TBC1D5: variants seen among roughly 807,000 people sequenced by gnomAD.
TBC1D5 encodes TBC1 domain family member 5.
Under a neutral mutation model 100.3 loss-of-function variants are expected in TBC1D5, and 75 were observed. That is an observed-to-expected ratio of 0.75 (90% CI 0.62 to 0.91). TBC1D5 has a LOEUF of 0.91. Among genes scored for constraint, TBC1D5 ranks in the 40% least tolerant of loss-of-function variants. The probability of loss-of-function intolerance (pLI) is 0.00; values close to 1 mark genes in which losing one functional copy is unlikely to be tolerated. For synonymous variants in TBC1D5, 323 were observed against 325.6 expected (o/e 0.99, Z 0.09); for missense variants, 910 against 942.4 (o/e 0.97, Z 0.45).
intron 2 of TBC1D5, among the ~76,000 whole-genome samples, chr3:17,604,134 G>C (rs1182727471): frequency 1.3e-5 from 2 of 151,482 alleles, no homozygotes; most frequent in Admixed American, 1.3e-4. Flanking sequence ...GTTTTGTTTT[G>C]TTTTTTGTAG....
chr3:17,232,099 A>T lies in TBC1D5; in HGVS notation c.1588+6064T>A, dbSNP rs2075470969. 2.0e-5 allele frequency among the ~76,000 whole-genome samples: 3 copies of T among 152,196 alleles called. No individual in the cohort carries two copies. The South Asian group carries it at 6.2e-4, about 32-fold the overall frequency. On this transcript the variant is annotated intron_variant, in intron 17 of 21. Coordinates refer to ENST00000253692, the Ensembl canonical transcript of TBC1D5. The stretch of plus-strand genomic sequence containing the variant: ...CAAATGAGATAATTCTACTTATATA[A>T]CACGAGGTATTTGAACAAAACAATA...
chr3:17,165,321 GAC>G (rs772063469), intron 21 of TBC1D5, among the ~76,000 whole-genome samples: 2 of 152,154 alleles, frequency 1.3e-5, no homozygotes, highest in Non-Finnish European at 2.9e-5. Context: ...GTAGTAAACT[GAC>G]ACACTCAACT....
chr3:17,694,247 T>A (rs2071639821), intron 1 of TBC1D5, among the ~76,000 whole-genome samples: 1 of 152,186 alleles, frequency 6.6e-6, no homozygotes, highest in Admixed American at 6.5e-5. Context: ...AGAACGACTT[T>A]GACAAGTTGA....
chr3:17,419,364 T>C (rs1455835216), intron 4 of TBC1D5, among the ~76,000 whole-genome samples: 1 of 152,168 alleles, frequency 6.6e-6, no homozygotes, highest in Non-Finnish European at 1.5e-5. Context: ...AAGCTTCCCC[T>C]TCCCTCAACC....
chr3:17,437,926 A>G (rs891278835), intron 3 of TBC1D5, among the ~76,000 whole-genome samples: 1 of 152,190 alleles, frequency 6.6e-6, no homozygotes, highest in African/African-American at 2.4e-5. Flanking sequence ...ATATGCCCTC[A>G]TTTACTAATG....
intron 3 of TBC1D5, among the ~76,000 whole-genome samples, chr3:17,457,503 G>T (rs1461644126): frequency 6.6e-6 from 1 of 152,046 alleles, no homozygotes; most frequent in Non-Finnish European, 1.5e-5. Flanking sequence ...ACATTTCTAG[G>T]ACTTCCTTTT....
chr3:17,450,448 G>A (rs911571066), intron 3 of TBC1D5, among the ~76,000 whole-genome samples: 4 of 152,232 alleles, frequency 2.6e-5, no homozygotes, highest in Admixed American at 2.6e-4. Context: ...AGTTAAAGGA[G>A]CATGTTCTAA....
intron 2 of TBC1D5, among the ~76,000 whole-genome samples, chr3:17,517,343 C>A (rs1560067967): frequency 6.6e-6 from 1 of 152,168 alleles, no homozygotes; most frequent in Non-Finnish European, 1.5e-5. Context: ...CATAAACACA[C>A]TCGTATGGTG....
At chr3:17,567,574 C>A (rs1282216206) in intron 2 of TBC1D5, among the ~76,000 whole-genome samples, 1 of 151,656 alleles carries the variant, frequency 6.6e-6, no homozygotes, top group East Asian at 1.9e-4. Context: ...TACATTAATA[C>A]AGATATGTGA....
intron 16 of TBC1D5, among the ~76,000 whole-genome samples, chr3:17,239,124 A>G (rs2076106510): frequency 6.6e-6 from 1 of 152,092 alleles, no homozygotes; most frequent in African/African-American, 2.4e-5. Flanking sequence ...TTCAAATACA[A>G]GTTTCATGAG....
chr3:17,197,401 C>CA (rs1410340387), intron 18 of TBC1D5, among the ~76,000 whole-genome samples: 22 of 152,108 alleles, frequency 1.4e-4, no homozygotes, highest in Middle Eastern at 3.4e-3. Flanking sequence ...ATTTTAGAGA[C>CA]AAAGTCTCGC....
At chr3:17,337,775 C>T (rs2088168659) in intron 13 of TBC1D5, 1 of 152,094 alleles carries the variant, frequency 6.6e-6, no homozygotes, top group Non-Finnish European at 1.5e-5. Context: ...TCCTCTACGC[C>T]ATATTTTTAC....
At chr3:17,269,149 C>G (rs2079122151) in intron 15 of TBC1D5, among the ~76,000 whole-genome samples, 1 of 152,098 alleles carries the variant, frequency 6.6e-6, no homozygotes, top group African/African-American at 2.4e-5. Flanking sequence ...GCAGCCAGCC[C>G]TGGATAGGAG....
chr3:17,195,750 CTTTCT>C (rs1032096507), intron 18 of TBC1D5, among the ~76,000 whole-genome samples: 5 of 83,920 alleles, frequency 6.0e-5, no homozygotes, highest in East Asian at 4.5e-4. Flanking sequence ...CTTGATATTT[CTTTCT>C]TTTTTTTTTT....
chr3:17,253,926 A>T, intron 16 of TBC1D5, among the ~76,000 whole-genome samples: 1 of 152,370 alleles, frequency 6.6e-6, no homozygotes, highest in Non-Finnish European at 1.5e-5. Flanking sequence ...TAGAAGGCTG[A>T]CTTTTCATAT....
intron 2 of TBC1D5, among the ~76,000 whole-genome samples, chr3:17,546,670 G>C (rs2096418522): frequency 6.6e-6 from 1 of 151,478 alleles, no homozygotes; most frequent in Admixed American, 6.6e-5. Context: ...TTAGGAGACT[G>C]AGACTCCTGA....
At chr3:17,597,627 T>C (rs2060654925) in intron 2 of TBC1D5, among the ~76,000 whole-genome samples, 1 of 152,220 alleles carries the variant, frequency 6.6e-6, no homozygotes, top group African/African-American at 2.4e-5. Flanking sequence ...CATAAGTCTG[T>C]CCCTCTGGTT....
intron 9 of TBC1D5, among the ~76,000 whole-genome samples, chr3:17,380,045 A>ATGTGTATGTGTGTGTG (rs2092879973): frequency 8.9e-6 from 1 of 112,450 alleles, no homozygotes; most frequent in South Asian, 2.8e-4. Flanking sequence ...GTGACTGTGT[A>ATGTGTATGTGTGTGTG]TGTGTGTGTG....
At chr3:17,620,317 G>A (rs1290666736) in intron 2 of TBC1D5, among the ~76,000 whole-genome samples, 1 of 152,138 alleles carries the variant, frequency 6.6e-6, no homozygotes, top group African/African-American at 2.4e-5. Flanking sequence ...CCATTTCCAG[G>A]AATTTGCCCT....
Sources: gnomAD v4.1 joint callset for allele counts (sites outside exome capture counted in the v4.1 genomes callset) on GRCh38, gnomAD v4.1.1 for gene constraint, MANE v1.5 for transcripts, NCBI Gene and HGNC (gene_info 2026-07-23, HGNC 2026-07-21) for gene names.